Variants in FOXP2 observed in about 807,000 individuals in gnomAD.
The protein encoded by FOXP2 is forkhead box protein P2.
Under a neutral mutation model 115.8 loss-of-function variants are expected in FOXP2, and 12 were observed. The ratio of observed to expected loss-of-function variants is 0.10; its 90% confidence interval spans 0.07 to 0.17. The LOEUF (loss-of-function observed/expected upper bound fraction) is 0.17, where lower values mean the gene tolerates loss of function less well. Ranked by LOEUF, FOXP2 falls within the 10% of genes least tolerant of loss-of-function variation. The probability of loss-of-function intolerance (pLI) is 1.00; values close to 1 mark genes in which losing one functional copy is unlikely to be tolerated. For missense variants in FOXP2, 629 were observed against 843.5 expected (o/e 0.75, Z 3.15); for synonymous variants, 328 against 297.7 (o/e 1.10, Z -1.05).
intron 8 of FOXP2, among the ~76,000 whole-genome samples, chr7:114,648,081 CAG>C (rs769274733): frequency 3.3e-5 from 5 of 151,984 alleles, no homozygotes; most frequent in African/African-American, 7.2e-5. Flanking sequence ...ACAGTGGAAA[CAG>C]AGTAGTTTAT....
At chr7:114,397,471 C>T (rs1350841474) in intron 2 of FOXP2, among the ~76,000 whole-genome samples, 1 of 152,038 alleles carries the variant, frequency 6.6e-6, no homozygotes, top group African/African-American at 2.4e-5. Flanking sequence ...GATGGAGGAG[C>T]TCCTTCATAC....
chr7:114,098,662 A>G, intron 1 of FOXP2, among the ~76,000 whole-genome samples: 1 of 152,036 alleles, frequency 6.6e-6, no homozygotes, highest in East Asian at 1.9e-4. Flanking sequence ...CTTGGCAATG[A>G]TTTTTTTTGG....
intron 2 of FOXP2, among the ~76,000 whole-genome samples, chr7:114,293,807 TCAATTAAAC>T (rs1796669985): frequency 6.6e-6 from 1 of 152,150 alleles, no homozygotes; most frequent in Admixed American, 6.5e-5. Context: ...GAACTGTGAG[TCAATTAAAC>T]CTGTTTACTT....
intron 1 of FOXP2, among the ~76,000 whole-genome samples, chr7:114,274,089 T>C (rs576393378): frequency 6.6e-6 from 1 of 152,128 alleles, no homozygotes; most frequent in African/African-American, 2.4e-5. Flanking sequence ...AGTTCTTTTT[T>C]TTTCTTTTTA....
intron 2 of FOXP2, among the ~76,000 whole-genome samples, chr7:114,512,871 CAAGAGA>C (rs1798142912): frequency 2.0e-5 from 3 of 152,014 alleles, no homozygotes; most frequent in Admixed American, 2.0e-4. Context: ...ATCATGAGGT[CAAGAGA>C]TCGATACCAT....
At position 114,205,896 on chromosome 7, in the gene FOXP2, G is replaced by T. The variant is rs113994931; in HGVS notation, c.-102+42808G>T. 2.8e-3 allele frequency among the ~76,000 whole-genome samples: 422 copies of T among 152,260 alleles called. 2 individuals carry two copies. The highest frequency in any genetic ancestry group is 9.3e-3 in the African/African-American group (386 of 41,554). ...GATAAGTCCTTCATCCCAGAAGTGT[G>T]TTTGGGCAACATATCACAGCATCCA... On this transcript the variant is annotated intron_variant, in intron 1 of 17. Transcript: ENST00000634411.
chr7:114,454,034 A>G (rs1795180603), intron 2 of FOXP2, among the ~76,000 whole-genome samples: 1 of 152,006 alleles, frequency 6.6e-6, no homozygotes, highest in African/African-American at 2.4e-5. Context: ...TAATTAAACT[A>G]AAGAGCTTCT....
intron 1 of FOXP2, among the ~76,000 whole-genome samples, chr7:114,105,128 A>G (rs1357560112): frequency 6.6e-6 from 1 of 152,080 alleles, no homozygotes; most frequent in Non-Finnish European, 1.5e-5. Context: ...AAATGGAGAG[A>G]GAAATGATGA....
intron 1 of FOXP2, among the ~76,000 whole-genome samples, chr7:114,255,381 C>T (rs918189770): frequency 1.3e-5 from 2 of 152,210 alleles, no homozygotes; most frequent in Non-Finnish European, 2.9e-5. Flanking sequence ...TATGCCCTGC[C>T]ATCAGAGGTG....
At chr7:114,355,158 A>G (rs1006263356) in intron 2 of FOXP2, among the ~76,000 whole-genome samples, 1 of 152,156 alleles carries the variant, frequency 6.6e-6, no homozygotes, top group South Asian at 2.1e-4. Flanking sequence ...ATTTAGGGAA[A>G]TAAAAATAAT....
chr7:114,509,939 C>A (rs1405257379), intron 2 of FOXP2, among the ~76,000 whole-genome samples: 1 of 151,816 alleles, frequency 6.6e-6, no homozygotes, highest in Non-Finnish European at 1.5e-5. Flanking sequence ...AAAAAAGGTG[C>A]TCACAAACAC....
intron 2 of FOXP2, among the ~76,000 whole-genome samples, chr7:114,465,653 G>C (rs1795768465): frequency 1.3e-5 from 2 of 152,160 alleles, no homozygotes; most frequent in Non-Finnish European, 2.9e-5. Flanking sequence ...TTAGCAGGGA[G>C]GTTTGTTGAG....
chr7:114,655,599 A>C (rs920172523), intron 10 of FOXP2, among the ~76,000 whole-genome samples: 3 of 152,118 alleles, frequency 2.0e-5, no homozygotes, highest in African/African-American at 7.2e-5. Flanking sequence ...CACAACCCTC[A>C]AAAAAACCCT....
At chr7:114,637,618 A>C (rs1246589331) in intron 6 of FOXP2, among the ~76,000 whole-genome samples, 2 of 152,158 alleles carry the variant, frequency 1.3e-5, no homozygotes, top group Admixed American at 6.6e-5. Flanking sequence ...ACAGACAGAA[A>C]TCCCTGCCAT....
chr7:114,089,738 G>C (rs1330315242), intron 1 of FOXP2, among the ~76,000 whole-genome samples: 1 of 151,894 alleles, frequency 6.6e-6, no homozygotes, highest in Non-Finnish European at 1.5e-5. Context: ...CACCATAAAA[G>C]TAGAAAAAGG....
intron 1 of FOXP2, among the ~76,000 whole-genome samples, chr7:114,241,689 T>A (rs1463401136): frequency 6.6e-6 from 1 of 151,828 alleles, no homozygotes; most frequent in Non-Finnish European, 1.5e-5. Flanking sequence ...GTTATAATGT[T>A]GGGCACATAG....
At chr7:114,492,613 CT>C (rs1797119159) in intron 2 of FOXP2, among the ~76,000 whole-genome samples, 1 of 151,970 alleles carries the variant, frequency 6.6e-6, no homozygotes, top group African/African-American at 2.4e-5. Context: ...TATGTTGTGT[CT>C]TTGTTCTCGT....
At chr7:114,410,692 GT>G (rs950200963), upstream of FOXP2, among the ~76,000 whole-genome samples, 44 of 152,170 alleles carry the variant, frequency 2.9e-4, no homozygotes, top group African/African-American at 1.0e-3. Flanking sequence ...TCAATAAACA[GT>G]ATGTGTTTCC....
At chr7:114,142,125 C>T (rs1175197356) in intron 1 of FOXP2, among the ~76,000 whole-genome samples, 1 of 152,050 alleles carries the variant, frequency 6.6e-6, no homozygotes, top group Non-Finnish European at 1.5e-5. Context: ...AGGTTTCAAG[C>T]GATTCTCCTG....
Sources: gnomAD v4.1 joint callset for allele counts (sites outside exome capture counted in the v4.1 genomes callset) on GRCh38, gnomAD v4.1.1 for gene constraint, MANE v1.5 for transcripts, NCBI Gene and HGNC (gene_info 2026-07-23, HGNC 2026-07-21) for gene names.